GCNT1: variants seen among roughly 807,000 people sequenced by gnomAD.
The protein encoded by GCNT1 is beta-1,3-galactosyl-O-glycosyl-glycoprotein beta-1,6-N-acetylglucosaminyltransferase.
A neutral mutation model predicts 26.2 loss-of-function variants in GCNT1; 16 were observed. The observed-to-expected ratio is 0.61, with a 90% CI of 0.41 to 0.93. The LOEUF is 0.93. Ranked by LOEUF, GCNT1 falls within the 40% of genes least tolerant of loss-of-function variation. GCNT1 has a pLI of 0.00. For missense variants in GCNT1, 477 were observed against 526.7 expected, an observed-to-expected ratio of 0.91 and a Z score of 0.92; for synonymous variants, 183 against 190.8, an observed-to-expected ratio of 0.96 and a Z score of 0.34.
intron 2 of GCNT1, among the ~76,000 whole-genome samples, chr9:76,473,048 G>GTAA: frequency 6.6e-6 from 1 of 151,896 alleles, no homozygotes; most frequent in South Asian, 2.1e-4. Flanking sequence ...TGTGCCCTGC[G>GTAA]ACACTTGTCT....
At chr9:76,427,281 T>C (rs138249994) in intron 1 of GCNT1, among the ~76,000 whole-genome samples, 518 of 151,444 alleles carry the variant, frequency 3.4e-3, no homozygotes, top group Middle Eastern at 0.01. Flanking sequence ...ACTGCAGCCT[T>C]GACGTTCTGG....
At chr9:76,431,103 A>AG (rs1407881418) in intron 1 of GCNT1, among the ~76,000 whole-genome samples, 1 of 152,204 alleles carries the variant, frequency 6.6e-6, no homozygotes, top group African/African-American at 2.4e-5. Flanking sequence ...TCATATCTAA[A>AG]TTTTCTAAAA....
At chr9:76,428,512 TTC>T in intron 1 of GCNT1, among the ~76,000 whole-genome samples, 1 of 152,104 alleles carries the variant, frequency 6.6e-6, no homozygotes, top group East Asian at 1.9e-4. Context: ...TTTTTTTGAC[TTC>T]TGTTTTTAAA....
chr9:76,469,721 A>G (rs1016827911), intron 2 of GCNT1, among the ~76,000 whole-genome samples: 5 of 152,116 alleles, frequency 3.3e-5, no homozygotes, highest in Non-Finnish European at 7.3e-5. Context: ...GCCGCTCCCG[A>G]TCGGGCTAAA....
chr9:76,398,042 G>C, the GCNT1 span, among the ~76,000 whole-genome samples: 1 of 152,144 alleles, frequency 6.6e-6, no homozygotes, highest in African/African-American at 2.4e-5. Flanking sequence ...ATTCTAAAAC[G>C]TGTTTTTTAT....
rs145931918 is a variant in GCNT1, at chr9:76,475,802, A to G, written c.-290+15625A>G. The stretch of plus-strand genomic sequence containing the variant: ...TGAACAAATGAGAGGAGTCATTACC[A>G]TATCTCCATTTTTCAGATGAGGAAA... On this transcript the variant is annotated intron_variant, in intron 2 of 3. Coordinates refer to ENST00000376730, the MANE Select transcript of GCNT1 (RefSeq NM_001490.5). Among the ~76,000 whole-genome samples, 10 of 152,346 alleles carry G rather than the reference A, an allele frequency of 6.6e-5. No homozygotes were observed. In the East Asian group the frequency reaches 1.3e-3, roughly 21 times the overall value.
chr9:76,430,536 C>T (rs1394142317), intron 1 of GCNT1, among the ~76,000 whole-genome samples: 1 of 151,860 alleles, frequency 6.6e-6, no homozygotes, highest in Admixed American at 6.6e-5. Context: ...TGCTTGCCAC[C>T]ATGTTCGACT....
chr9:76,448,619 T>G (rs917949016), intron 1 of GCNT1, among the ~76,000 whole-genome samples: 4 of 152,134 alleles, frequency 2.6e-5, no homozygotes, highest in African/African-American at 9.7e-5. Flanking sequence ...TGCCCTCCTC[T>G]CCCCACACTC....
At chr9:76,443,971 AAGG>A (rs1316550734) in intron 1 of GCNT1, among the ~76,000 whole-genome samples, 1 of 126,298 alleles carries the variant, frequency 7.9e-6, no homozygotes, top group African/African-American at 2.8e-5. Context: ...GGAAGGAAGG[AAGG>A]AAGGAAGGAA....
At chr9:76,455,055 T>C (rs1027800224), upstream of GCNT1, among the ~76,000 whole-genome samples, 3 of 151,854 alleles carry the variant, frequency 2.0e-5, no homozygotes, top group East Asian at 5.8e-4. Flanking sequence ...ACCATGTTGG[T>C]CAGGCTGGTC....
the GCNT1 span, among the ~76,000 whole-genome samples, chr9:76,403,396 A>G: frequency 6.6e-6 from 1 of 152,228 alleles, no homozygotes; most frequent in Admixed American, 6.5e-5. Context: ...CAGGGGAAAA[A>G]CTATGCAAAT....
At chr9:76,487,616 G>C (rs535724037) in intron 2 of GCNT1, among the ~76,000 whole-genome samples, 4 of 152,318 alleles carry the variant, frequency 2.6e-5, no homozygotes, top group Admixed American at 2.6e-4. Context: ...CCAGTCTGCT[G>C]TGGTTGTCTG....
intron 2 of GCNT1, among the ~76,000 whole-genome samples, chr9:76,467,741 A>G (rs929420786): frequency 2.0e-5 from 3 of 152,060 alleles, no homozygotes; most frequent in Non-Finnish European, 4.4e-5. Flanking sequence ...GCTGAGACCA[A>G]TTGTGTAGGA....
At chr9:76,486,738 T>C (rs1304354648) in intron 2 of GCNT1, among the ~76,000 whole-genome samples, 2 of 152,178 alleles carry the variant, frequency 1.3e-5, no homozygotes, top group Non-Finnish European at 2.9e-5. Flanking sequence ...CCTGCAAGTT[T>C]GTGGGGAACT....
chr9:76,493,127 T>C (rs963648772), intron 2 of GCNT1, among the ~76,000 whole-genome samples: 3 of 152,186 alleles, frequency 2.0e-5, no homozygotes, highest in African/African-American at 7.2e-5. Flanking sequence ...GTGGACATCA[T>C]TGAATAATTC....
upstream of GCNT1, among the ~76,000 whole-genome samples, chr9:76,454,386 GAAAAAAA>G (rs71372084): frequency 5.6e-4 from 22 of 39,622 alleles, no homozygotes; most frequent in Non-Finnish European, 7.4e-4. Flanking sequence ...TCTCAGAAAA[GAAAAAAA>G]AAAAAAAAAA....
intron 2 of GCNT1, among the ~76,000 whole-genome samples, chr9:76,491,810 C>T (rs1203807722): frequency 2.0e-5 from 3 of 152,222 alleles, no homozygotes; most frequent in Non-Finnish European, 4.4e-5. Flanking sequence ...GGGTTGAGGG[C>T]TGCACACGTG....
intron 2 of GCNT1, among the ~76,000 whole-genome samples, chr9:76,476,231 A>G (rs989322403): frequency 2.0e-5 from 3 of 152,214 alleles, no homozygotes; most frequent in African/African-American, 7.2e-5. Flanking sequence ...TCAAGTACTT[A>G]AAATTGGGAC....
upstream of GCNT1, among the ~76,000 whole-genome samples, chr9:76,417,614 T>G (rs2131567693): frequency 6.6e-6 from 1 of 152,198 alleles, no homozygotes; most frequent in East Asian, 1.9e-4. Flanking sequence ...CACACTTCAG[T>G]ATTCTCCCAA....
Sources: gnomAD v4.1 joint callset for allele counts (sites outside exome capture counted in the v4.1 genomes callset) on GRCh38, gnomAD v4.1.1 for gene constraint, MANE v1.5 for transcripts, NCBI Gene and HGNC (gene_info 2026-07-23, HGNC 2026-07-21) for gene names.